Variants in CHD1 observed in about 807,000 individuals in gnomAD.
The protein encoded by CHD1 is chromodomain helicase DNA binding protein 1, also known as ATP-dependent chromatin remodeler CHD1.
Under a neutral mutation model 224.2 loss-of-function variants are expected in CHD1, and 36 were observed. That is an observed-to-expected ratio of 0.16 (90% CI 0.12 to 0.21). The LOEUF (loss-of-function observed/expected upper bound fraction) is 0.21. Among genes scored for constraint, CHD1 ranks in the 10% least tolerant of loss-of-function variants. The pLI is 1.00. For missense variants in CHD1, 1,378 were observed against 1,994.8 expected, an observed-to-expected ratio of 0.69 and a Z score of 5.89; for synonymous variants, 668 against 658.3, an observed-to-expected ratio of 1.01 and a Z score of -0.23.
rs753964035 is a variant in CHD1, at chr5:98,858,946, T to A, written c.4576+18A>T. 6.8e-7 allele frequency: 1 copy of A among 1,481,282 alleles called. No individual in the cohort carries two copies. The highest frequency in any genetic ancestry group is 8.9e-7 in the Non-Finnish European group (1 of 1,118,986). 91.8% of individuals were successfully genotyped at this position (1,481,282 alleles called of 1,614,324 possible). On this transcript the variant is annotated intron_variant, in intron 34 of 35. Transcript: ENST00000614616. ...AATTTTTTTTAATTTATTTTCCCAA[T>A]CAGTAAGGCTTACATACCTGGATTT...
At chr5:98,885,888 AG>A (rs1214275938) in intron 17 of CHD1, 1 of 433,178 alleles carries the variant, frequency 2.3e-6, no homozygotes, top group African/African-American at 2.0e-5. Context: ...ATTCTGCCTG[AG>A]TCCCCATTCT....
intron 33 of CHD1, 94 bp downstream of exon 33, chr5:98,859,878 C>T: frequency 1.6e-6 from 1 of 612,970 alleles, no homozygotes; most frequent in Admixed American, 3.2e-5. Flanking sequence ...TTATCTTATT[C>T]ATTCTGTATT....
intron 15 of CHD1, among the ~76,000 whole-genome samples, chr5:98,891,930 A>G (rs368328580): frequency 1.3e-5 from 2 of 152,348 alleles, no homozygotes; most frequent in East Asian, 3.9e-4. Context: ...TAATTATGCA[A>G]TTAAGTATAT....
chr5:98,926,229 C>G (rs892436481), intron 2 of CHD1, 105 bp downstream of exon 2: 6 of 690,680 alleles, frequency 8.7e-6, no homozygotes, highest in Non-Finnish European at 1.4e-5. Flanking sequence ...CCTGAAAACT[C>G]TGCTACCTAT....
chr5:98,904,224 G>A (rs979061372), intron 3 of CHD1, among the ~76,000 whole-genome samples: 1 of 152,174 alleles, frequency 6.6e-6, no homozygotes, highest in Admixed American at 6.5e-5. Context: ...TGAAGAGGCT[G>A]AGTCAGAATA....
At chr5:98,882,606 A>G (rs1183651139) in intron 19 of CHD1, among the ~76,000 whole-genome samples, 1 of 152,188 alleles carries the variant, frequency 6.6e-6, no homozygotes, top group Non-Finnish European at 1.5e-5. Context: ...CTCTAGGTCA[A>G]AGATTCTGCA....
At chr5:98,919,209 T>C (rs955426496) in intron 2 of CHD1, among the ~76,000 whole-genome samples, 8 of 152,194 alleles carry the variant, frequency 5.3e-5, no homozygotes, top group African/African-American at 1.9e-4. Flanking sequence ...AAGGAATTGT[T>C]CTGTACATTA....
Position 98,856,711 on chromosome 5 carries a change from C to T in CHD1, c.4802G>A (p.Arg1601Lys), listed in dbSNP as rs770299771. 6 of 1,602,952 alleles carry T rather than the reference C, an allele frequency of 3.7e-6. No individual in the cohort carries two copies. The highest frequency in any genetic ancestry group is 3.3e-5 in the South Asian group (3 of 90,758). The change falls in exon 36 of 36, where the codon AGA becomes AAA. Residue 1601 changes from arginine to lysine, a missense_variant. Transcript: ENST00000614616. ...YKQDSRYYSDREKHRKLDDHR... is the reference protein window; with the variant it reads ...YKQDSRYYSDKEKHRKLDDHR... ...ATCATCCAGTTTTCTGTGTTTCTCT[C>T]TGTCACTGTAATATCTAATAAAGAA...
rs1278977335 is a variant in CHD1, at chr5:98,855,589, T to G, written c.*791A>C. ...AGTATAAAAAGAGGACTAATGGAAT[T>G]AAGTGGCCCCTTTCCCCATTTTTAC... On this transcript the variant is annotated 3_prime_UTR_variant, in exon 36 of 36. Coordinates refer to ENST00000614616, the MANE Select transcript of CHD1 (RefSeq NM_001270.4). 2 of 151,744 alleles carry G rather than the reference T, an allele frequency of 1.3e-5. No individual in the cohort carries two copies. Among genetic ancestry groups the G allele is most frequent in the Admixed American group, 1.3e-4 (2 of 15,200 alleles). 9.4% of individuals were successfully genotyped at this position (151,744 alleles called of 1,614,324 possible).
chr5:98,869,866 C>T lies in CHD1; in HGVS notation c.3995G>A (p.Arg1332Lys), dbSNP rs749832566. The T allele has an allele frequency of 6.2e-7, 1 of 1,603,788 alleles. No homozygotes were observed. The highest frequency in any genetic ancestry group is 1.1e-5 in the South Asian group (1 of 90,252). ...ALSGAGSSKR[R>K]KARAKKNKAM... The stretch of plus-strand genomic sequence containing the variant: ...TTTATTCTTCTTAGCTCTTGCTTTT[C>T]TCCTCTTTGAACTTCCCTAAAAATC... The change falls in exon 30 of 36, where the codon AGA (arginine) becomes AAA (lysine). Residue 1332 changes from arginine (R) to lysine (K), a missense_variant. Arg to Lys is a conservative substitution (Grantham distance 26, BLOSUM62 2). Around this residue, in one of 16 missense-constraint regions of CHD1, gnomAD observed 105 missense variants for 93.4 expected, o/e 1.12. Coordinates refer to ENST00000614616, the MANE Select transcript of CHD1 (RefSeq NM_001270.4).
At position 98,917,299 on chromosome 5, in the gene CHD1, C is replaced by CCAAAAAAAAAAAAAAAAAAAAAAA. The variant is rs775841258; in HGVS notation, c.53+9034_53+9035insTTTTTTTTTTTTTTTTTTTTTTTG. On this transcript the variant is annotated intron_variant, in intron 2 of 35. Transcript: ENST00000614616. The stretch of plus-strand genomic sequence containing the variant: ...GCCCATCCCTCCAAAAACAAAGAAA[C>CCAAAAAAAAAAAAAAAAAAAAAAA]AAAAAAAAAAAACAACCTCTTAATT... Among the ~76,000 whole-genome samples the CCAAAAAAAAAAAAAAAAAAAAAAA allele has an allele frequency of 9.0e-4, 108 of 119,820 alleles. 8 individuals carry two copies. Among genetic ancestry groups the CCAAAAAAAAAAAAAAAAAAAAAAA allele is most frequent in the African/African-American group, 4.0e-3 (101 of 25,306 alleles). The allele number at this position is 119,820 out of a possible 152,430, so 78.6% of individuals were successfully genotyped here.
rs900825462 is a variant in CHD1 at position 98,860,386 on chromosome 5, T to C, written c.4428-318A>G. The C allele has an allele frequency of 3.0e-5, 10 of 330,318 alleles. No homozygotes were observed. The East Asian group carries it at 4.1e-4, about 13-fold the overall frequency. 20.5% of individuals were successfully genotyped at this position (330,318 alleles called of 1,614,324 possible). On this transcript the variant is annotated intron_variant, in intron 32 of 35. Transcript: ENST00000614616. ...TAAATCAGGAAGTGACTCAGATTCA[T>C]ATTGTGATCCTGATTATGCATATAA...
At chr5:98,911,394 T>G (rs1671868863) in intron 2 of CHD1, among the ~76,000 whole-genome samples, 2 of 151,974 alleles carry the variant, frequency 1.3e-5, no homozygotes, top group South Asian at 4.2e-4. Context: ...GGTAAGGGTA[T>G]TAGTCTTAGA....
At chr5:98,867,330 C>T (rs966377920) in intron 31 of CHD1, among the ~76,000 whole-genome samples, 4 of 152,130 alleles carry the variant, frequency 2.6e-5, no homozygotes, top group South Asian at 2.1e-4. Flanking sequence ...AAAACAACAT[C>T]GGTACAAAAA....
chr5:98,877,984 TAC>T (rs1317076079), intron 23 of CHD1, among the ~76,000 whole-genome samples: 2 of 152,110 alleles, frequency 1.3e-5, no homozygotes, highest in Non-Finnish European at 2.9e-5. Context: ...TACAGGAGAT[TAC>T]AAAAAGAGAA....
At chr5:98,917,596 T>C (rs187377783) in intron 2 of CHD1, among the ~76,000 whole-genome samples, 5 of 152,294 alleles carry the variant, frequency 3.3e-5, no homozygotes, top group African/African-American at 4.8e-5. Flanking sequence ...AACTGAGAAA[T>C]AGCTATTTGG....
intron 25 of CHD1, 26 bp from the exon 26 acceptor site, chr5:98,873,749 G>A: frequency 1.3e-6 from 2 of 1,585,222 alleles, no homozygotes; most frequent in Non-Finnish European, 1.7e-6. Flanking sequence ...CCAATTTTCA[G>A]GTAAATATGT....
At chr5:98,884,530 C>A (rs1166434805) in intron 18 of CHD1, among the ~76,000 whole-genome samples, 1 of 152,018 alleles carries the variant, frequency 6.6e-6, no homozygotes, top group Admixed American at 6.6e-5. Flanking sequence ...AGGGGGTGAG[C>A]GATAAAAGAC....
At chr5:98,884,078 GTT>G (rs201222124) in intron 18 of CHD1, among the ~76,000 whole-genome samples, 1 of 130,936 alleles carries the variant, frequency 7.6e-6, no homozygotes, top group Non-Finnish European at 1.7e-5. Flanking sequence ...TTTGTTTTTT[GTT>G]TTTTTTTTTT....
Sources: allele counts gnomAD v4.1 joint callset (sites outside exome capture counted in the v4.1 genomes callset), GRCh38; gene constraint gnomAD v4.1.1; regional missense constraint gnomAD v4.1.1; transcripts MANE v1.5; gene names NCBI Gene and HGNC (gene_info 2026-07-23, HGNC 2026-07-21).